DYM: variants seen among roughly 807,000 people sequenced by gnomAD.
DYM encodes dymeclin, also known as dyggve-Melchior-Clausen syndrome protein.
A neutral mutation model predicts 93.1 loss-of-function variants in DYM; 78 were observed. The observed-to-expected ratio is 0.84, with a 90% CI of 0.70 to 1.01. DYM has a LOEUF of 1.01. DYM is among the 50% of genes least tolerant of loss of function. The probability of loss-of-function intolerance (pLI) is 0.00; values close to 1 mark genes in which losing one functional copy is unlikely to be tolerated. For synonymous variants in DYM, 321 were observed against 319.7 expected, an observed-to-expected ratio of 1.00 and a Z score of -0.04; for missense variants, 789 against 845.0, an observed-to-expected ratio of 0.93 and a Z score of 0.82.
chr18:49,423,780 T>C (rs1175625395), intron 2 of DYM, among the ~76,000 whole-genome samples: 1 of 152,066 alleles, frequency 6.6e-6, no homozygotes, highest in African/African-American at 2.4e-5. Flanking sequence ...TCTATGCAAA[T>C]AAACTAGAAA....
chr18:49,080,796 C>T (rs1413068304), intron 17 of DYM, among the ~76,000 whole-genome samples: 4 of 145,554 alleles, frequency 2.7e-5, no homozygotes, highest in Admixed American at 6.8e-5. Flanking sequence ...GGGCGGATGC[C>T]GGGCGGAGGG....
intron 15 of DYM, among the ~76,000 whole-genome samples, chr18:49,119,779 G>GA (rs943835663): frequency 8.6e-5 from 13 of 150,944 alleles, no homozygotes; most frequent in African/African-American, 3.2e-4. Context: ...TCTGCCTGAG[G>GA]AAAAAAAAAT....
At chr18:49,356,165 ATTGT>A (rs892394131) in intron 6 of DYM, among the ~76,000 whole-genome samples, 1 of 152,186 alleles carries the variant, frequency 6.6e-6, no homozygotes, top group Non-Finnish European at 1.5e-5. Flanking sequence ...AAAAAAATCA[ATTGT>A]TTGTTGGGAG....
intron 13 of DYM, among the ~76,000 whole-genome samples, chr18:49,215,459 A>G (rs1229095946): frequency 6.6e-6 from 1 of 152,212 alleles, no homozygotes; most frequent in Non-Finnish European, 1.5e-5. Flanking sequence ...TAGTTTTGAA[A>G]TTCTTTACAG....
At chr18:49,188,266 T>C (rs1305053171) in intron 14 of DYM, among the ~76,000 whole-genome samples, 1 of 152,164 alleles carries the variant, frequency 6.6e-6, no homozygotes, top group Non-Finnish European at 1.5e-5. Context: ...AAAGAAAAGA[T>C]TCATATGAGG....
chr18:49,044,080 T>G lies in DYM; in HGVS notation c.2150A>C (p.Gln717Pro). Residue 717 changes from glutamine to proline, a missense_variant, in exon 18 of 18, where the codon CAG (glutamine) becomes CCG (proline). Gln to Pro is a moderately conservative substitution (Grantham distance 76). Transcript: ENST00000675505. The part of the protein sequence containing the change: ...VGLYWNPQDI[Q>P]LFTMDSD The stretch of plus-strand genomic sequence containing the variant: ...TCAGTCGGAATCCATGGTGAACAGC[T>G]GGATGTCCTGTGGATTCCAGTACAG... The G allele has an allele frequency of 1.9e-6, 3 of 1,613,890 alleles. No individual in the cohort carries two copies. Among genetic ancestry groups the G allele is most frequent in the Non-Finnish European group, 2.5e-6 (3 of 1,180,030 alleles).
chr18:49,262,921 T>A, intron 11 of DYM, among the ~76,000 whole-genome samples: 1 of 152,180 alleles, frequency 6.6e-6, no homozygotes, highest in East Asian at 1.9e-4. Flanking sequence ...ATGTTACAAT[T>A]CAGATCACTA....
chr18:49,420,165 GTTTTTTTTT>G (rs58141815), intron 2 of DYM, among the ~76,000 whole-genome samples: 1 of 109,018 alleles, frequency 9.2e-6, no homozygotes, highest in Non-Finnish European at 1.9e-5. Flanking sequence ...GTTAAAATTC[GTTTTTTTTT>G]TTTTTTTTTT....
chr18:49,359,606 T>C (rs1039907421), intron 6 of DYM: 3 of 152,220 alleles, frequency 2.0e-5, no homozygotes, highest in Admixed American at 1.3e-4. Context: ...TAAATAAATA[T>C]ATAGCATACA....
intron 13 of DYM, among the ~76,000 whole-genome samples, chr18:49,227,046 G>A (rs2093557612): frequency 6.6e-6 from 1 of 152,214 alleles, no homozygotes; most frequent in African/African-American, 2.4e-5. Context: ...CCATCTGTCT[G>A]CACTGAATAA....
chr18:49,355,937 A>C (rs556742111), intron 6 of DYM, among the ~76,000 whole-genome samples: 1 of 152,308 alleles, frequency 6.6e-6, no homozygotes, highest in South Asian at 2.1e-4. Flanking sequence ...TCTCAGGAGG[A>C]AACATTTAAA....
At chr18:49,213,414 C>CA (rs2092884118) in intron 13 of DYM, among the ~76,000 whole-genome samples, 1 of 151,636 alleles carries the variant, frequency 6.6e-6, no homozygotes, top group South Asian at 2.1e-4. Context: ...CTACCGGGTT[C>CA]AAGCAATTCT....
chr18:49,259,985 AT>A (rs917763741), intron 11 of DYM, among the ~76,000 whole-genome samples: 7 of 152,224 alleles, frequency 4.6e-5, no homozygotes, highest in African/African-American at 1.7e-4. Context: ...GGAAGCTGGA[AT>A]TTTTTAAAAA....
At chr18:49,071,188 T>A (rs555328657) in intron 17 of DYM, among the ~76,000 whole-genome samples, 2 of 152,328 alleles carry the variant, frequency 1.3e-5, no homozygotes, top group South Asian at 4.2e-4. Context: ...TTGATAAGAC[T>A]GATATTTATT....
intron 13 of DYM, among the ~76,000 whole-genome samples, chr18:49,243,765 A>G (rs1002376063): frequency 6.6e-6 from 1 of 152,144 alleles, no homozygotes; most frequent in Non-Finnish European, 1.5e-5. Context: ...GATTCATTTA[A>G]TACTGAGTGA....
intron 8 of DYM, among the ~76,000 whole-genome samples, chr18:49,328,842 A>C (rs1450792526): frequency 6.6e-6 from 1 of 152,218 alleles, no homozygotes; most frequent in African/African-American, 2.4e-5. Flanking sequence ...GTGGGACTGT[A>C]AACTAGTTCA....
chr18:49,193,725 G>A (rs1428039739), intron 14 of DYM, among the ~76,000 whole-genome samples: 2 of 152,086 alleles, frequency 1.3e-5, no homozygotes, highest in African/African-American at 4.8e-5. Context: ...ATCAGAGAAG[G>A]GACTCCAGAG....
intron 17 of DYM, among the ~76,000 whole-genome samples, chr18:49,063,897 G>A (rs1455648722): frequency 4.6e-5 from 7 of 152,114 alleles, no homozygotes; most frequent in Admixed American, 1.3e-4. Context: ...CCAAAGTGCT[G>A]GAATTACAGG....
chr18:49,338,426 A>G (rs2063830912), intron 6 of DYM, among the ~76,000 whole-genome samples: 1 of 152,238 alleles, frequency 6.6e-6, no homozygotes, highest in Non-Finnish European at 1.5e-5. Context: ...AAATTGACTC[A>G]CTTTTATGAA....
Sources: allele counts gnomAD v4.1 joint callset (sites outside exome capture counted in the v4.1 genomes callset), GRCh38; gene constraint gnomAD v4.1.1; transcripts MANE v1.5; gene names NCBI Gene and HGNC (gene_info 2026-07-23, HGNC 2026-07-21).